Variants in HYDIN observed in about 807,000 individuals in gnomAD.
HYDIN encodes the protein axonemal central pair apparatus protein HYDIN.
Under a neutral mutation model 403.9 loss-of-function variants are expected in HYDIN, and 132 were observed. That is an observed-to-expected ratio of 0.33 (90% CI 0.28 to 0.38). HYDIN has a LOEUF of 0.38. HYDIN is among the 10% of genes least tolerant of loss of function. The pLI is 1.00. For synonymous variants in HYDIN, 1,202 were observed against 1,891.7 expected (o/e 0.64, Z 9.46); for missense variants, 2,827 against 5,009.5 (o/e 0.56, Z 13.15).
At chr16:70,926,108 T>C (rs2077144435) in intron 45 of HYDIN, among the ~76,000 whole-genome samples, 1 of 149,116 alleles carries the variant, frequency 6.7e-6, no homozygotes, top group Non-Finnish European at 1.5e-5. Context: ...ATCCCATTAC[T>C]GGGTATATAC....
chr16:71,171,968 G>A (rs1367069756), intron 5 of HYDIN, among the ~76,000 whole-genome samples: 1 of 152,140 alleles, frequency 6.6e-6, no homozygotes, highest in Non-Finnish European at 1.5e-5. Flanking sequence ...TGGGGAGGGC[G>A]AATTTCAGGC....
intron 58 of HYDIN, among the ~76,000 whole-genome samples, chr16:70,885,219 G>GA (rs1286744179): frequency 8.2e-5 from 12 of 146,314 alleles, no homozygotes; most frequent in Non-Finnish European, 1.8e-4. Flanking sequence ...CCAGATCTAG[G>GA]AACCACAGCA....
chr16:71,210,702 T>C (rs1313488440), intron 1 of HYDIN, among the ~76,000 whole-genome samples: 1 of 152,208 alleles, frequency 6.6e-6, no homozygotes, highest in Non-Finnish European at 1.5e-5. Context: ...GAATGCCAGG[T>C]ATGTCAGCAT....
intron 10 of HYDIN, among the ~76,000 whole-genome samples, chr16:71,099,914 G>A (rs1375951616): frequency 2.6e-5 from 4 of 152,052 alleles, no homozygotes; most frequent in Admixed American, 2.6e-4. Flanking sequence ...GAGGCAAGAG[G>A]ATCACTTGAG....
intron 28 of HYDIN, among the ~76,000 whole-genome samples, chr16:70,981,837 A>G (rs993778252): frequency 6.6e-6 from 1 of 152,122 alleles, no homozygotes; most frequent in African/African-American, 2.4e-5. Context: ...TGTAAAAAGA[A>G]AAATGGTTCG....
intron 53 of HYDIN, among the ~76,000 whole-genome samples, chr16:70,900,497 A>C (rs2076338733): frequency 1.4e-5 from 2 of 142,346 alleles, no homozygotes; most frequent in Non-Finnish European, 1.5e-5. Context: ...AAAAAAAGAT[A>C]CATTGGGAGG....
chr16:71,122,427 A>G (rs377111758), intron 9 of HYDIN, among the ~76,000 whole-genome samples: 84 of 89,796 alleles, frequency 9.4e-4, no homozygotes, highest in Admixed American at 3.4e-3. Flanking sequence ...TGACTTGTCA[A>G]GGCCAGTTTG....
chr16:70,872,934 C>T (rs1263639578), intron 64 of HYDIN, among the ~76,000 whole-genome samples: 2 of 131,574 alleles, frequency 1.5e-5, no homozygotes, highest in Non-Finnish European at 3.2e-5. Flanking sequence ...ATCCACCTAC[C>T]CACTCACCTA....
rs1239813566 is a variant in HYDIN, at chr16:70,803,513, G to T, written c.*4067C>A. ...ATTATTTCACAGTTACAATTCATCTGCATCTGTGTGATGCTTGGTTGTTAT... is the reference window on the plus strand; with the variant it reads ...ATTATTTCACAGTTACAATTCATCTTCATCTGTGTGATGCTTGGTTGTTAT... On this transcript the variant is annotated 3_prime_UTR_variant, in exon 86 of 86. Transcript: ENST00000393567. 6.6e-6 allele frequency among the ~76,000 whole-genome samples: 1 copy of T among 152,170 alleles called. No homozygotes were observed. Among genetic ancestry groups the T allele is most frequent in the East Asian group, 1.9e-4 (1 of 5,200 alleles).
chr16:70,944,411 A>C (rs1302417271), intron 41 of HYDIN, among the ~76,000 whole-genome samples: 1 of 152,270 alleles, frequency 6.6e-6, no homozygotes, highest in Non-Finnish European at 1.5e-5. Context: ...ATAAGGAATC[A>C]TAACAGGGCT....
At chr16:70,902,821 A>ATATATATTTTTTTTTTTTTT in intron 52 of HYDIN, among the ~76,000 whole-genome samples, 18 of 47,266 alleles carry the variant, frequency 3.8e-4, no homozygotes, top group South Asian at 1.5e-3. Flanking sequence ...ATATATATAT[A>ATATATATTTTTTTTTTTTTT]TTTTTTTTTT....
At chr16:71,170,719 G>T (rs1336435933) in intron 5 of HYDIN, among the ~76,000 whole-genome samples, 1 of 152,164 alleles carries the variant, frequency 6.6e-6, no homozygotes, top group Non-Finnish European at 1.5e-5. Flanking sequence ...ATATTAAGGA[G>T]TGACTGTGGT....
chr16:70,835,186 C>T (rs1416800951), intron 78 of HYDIN, among the ~76,000 whole-genome samples: 8 of 151,708 alleles, frequency 5.3e-5, no homozygotes, highest in African/African-American at 1.7e-4. Flanking sequence ...TTAGTAGAGA[C>T]GGGGTTTCAC....
rs373161184 is a variant in HYDIN at position 70,882,790 on chromosome 16, A to G, written c.10085T>C (p.Val3362Ala). The G allele has an allele frequency of 1.6e-5, 24 of 1,500,378 alleles. No homozygotes were observed. The highest frequency in any genetic ancestry group is 5.5e-5 in the African/African-American group (4 of 72,840). The allele number at this position is 1,500,378 out of a possible 1,614,324, so 92.9% of individuals were successfully genotyped here. The change falls in exon 60 of 86, where the codon GTC becomes GCC. Residue 3362 changes from valine to alanine, a missense_variant. Physicochemically the swap from Val to Ala is moderately conservative, Grantham distance 64. Coordinates refer to ENST00000393567, the MANE Select transcript of HYDIN (RefSeq NM_001270974.2). ...GAAGATGAACTTGTTCTCATCCTCG[A>G]CGAACAGCCCCCCGCTCTCTATGGT... ...LQTIESGGLF[V>A]EDENKFIFCN...
intron 1 of HYDIN, among the ~76,000 whole-genome samples, chr16:71,194,982 C>T: frequency 6.6e-6 from 1 of 152,188 alleles, no homozygotes; most frequent in East Asian, 1.9e-4. Context: ...CTACAGTGTT[C>T]TTTTTGACCC....
At chr16:71,218,164 G>C (rs1407723651) in intron 1 of HYDIN, among the ~76,000 whole-genome samples, 1 of 152,168 alleles carries the variant, frequency 6.6e-6, no homozygotes, top group Admixed American at 6.5e-5. Context: ...AATTTAGCAA[G>C]CTGTATTAGA....
At chr16:70,883,002 C>T in intron 59 of HYDIN, 107 bp from the exon 60 acceptor site, 1 of 889,274 alleles carries the variant, frequency 1.1e-6, no homozygotes, top group Non-Finnish European at 1.8e-6. Context: ...TTGTGGAGGA[C>T]ACATAGGCGA....
chr16:71,089,419 T>C (rs1292563580), intron 11 of HYDIN, among the ~76,000 whole-genome samples: 2 of 151,016 alleles, frequency 1.3e-5, no homozygotes, highest in Non-Finnish European at 3.0e-5. Context: ...CATGTTTTCC[T>C]GATTTATATA....
intron 30 of HYDIN, among the ~76,000 whole-genome samples, chr16:70,976,160 G>T (rs1458731669): frequency 1.3e-5 from 2 of 152,248 alleles, no homozygotes; most frequent in East Asian, 1.9e-4. Flanking sequence ...TGTGACAAAT[G>T]ATGGTGTCAA....
Sources: gnomAD v4.1 joint callset for allele counts (sites outside exome capture counted in the v4.1 genomes callset) on GRCh38, gnomAD v4.1.1 for gene constraint, MANE v1.5 for transcripts, NCBI Gene and HGNC (gene_info 2026-07-23, HGNC 2026-07-21) for gene names.